Variants in LONRF1 observed in about 807,000 individuals in gnomAD.
LONRF1 encodes LON peptidase N-terminal domain and RING finger protein 1.
A neutral mutation model predicts 85.8 loss-of-function variants in LONRF1; 37 were observed. The observed-to-expected ratio is 0.43, with a 90% CI of 0.33 to 0.57. The LOEUF (loss-of-function observed/expected upper bound fraction) is 0.57. Among genes scored for constraint, LONRF1 ranks in the 20% least tolerant of loss-of-function variants. The pLI is 0.04. For synonymous variants in LONRF1, 517 were observed against 390.1 expected (o/e 1.33, Z -3.83); for missense variants, 1,036 against 978.0 (o/e 1.06, Z -0.79).
rs1377149935 is a variant in LONRF1, at chr8:12,728,003, T to A, written c.2010+898A>T. On this transcript the variant is annotated intron_variant, in intron 10 of 11. Coordinates refer to ENST00000398246, the MANE Select transcript of LONRF1 (RefSeq NM_152271.5). ...TAATTAACACCTCTGAATTGTACTT[T>A]CCTCATCTACTATTTCATAGAGTTG... 5.3e-5 allele frequency among the ~76,000 whole-genome samples: 8 copies of A among 152,226 alleles called. No individual in the cohort carries two copies. The East Asian group carries it at 1.5e-3, about 29-fold the overall frequency.
chr8:12,747,053 C>T (rs751199153), intron 1 of LONRF1, among the ~76,000 whole-genome samples: 1 of 152,150 alleles, frequency 6.6e-6, no homozygotes, highest in Admixed American at 6.5e-5. Context: ...GCCTTTTATC[C>T]TCAGATCCTG....
chr8:12,730,311 A>C (rs1320865439), intron 8 of LONRF1, among the ~76,000 whole-genome samples: 1 of 152,226 alleles, frequency 6.6e-6, no homozygotes, highest in Non-Finnish European at 1.5e-5. Context: ...CTATTTATAC[A>C]TACTACATTC....
At chr8:12,731,936 T>C (rs1381179450) in intron 7 of LONRF1, 79 bp from the exon 8 acceptor site, 3 of 1,313,910 alleles carry the variant, frequency 2.3e-6, no homozygotes, top group Admixed American at 2.1e-5. Flanking sequence ...ACTGATATAT[T>C]AAAGCCTTTA....
chr8:12,754,824 G>A lies in LONRF1; in HGVS notation c.597C>T (p.His199=), dbSNP rs749123323. ...SDFRTSVVLN[H]LAEKWFPGQR... is the part of the protein sequence containing the mutation. The stretch of plus-strand genomic sequence containing the variant: ...GGCCCGGAAACCACTTCTCGGCCAG[G>A]TGGTTGAGGACGACGCTGGTTCTGA... The change falls in exon 1 of 12, where the codon CAC becomes CAT. Residue 199 remains histidine (H), a synonymous_variant. Transcript: ENST00000398246. 44 of 1,494,016 alleles carry A rather than the reference G, an allele frequency of 2.9e-5. No individual in the cohort carries two copies. Among genetic ancestry groups the A allele is most frequent in the Non-Finnish European group, 3.8e-5 (43 of 1,127,726 alleles). The allele number at this position is 1,494,016 out of a possible 1,614,324, so 92.5% of individuals were successfully genotyped here.
chr8:12,741,017 T>TA, intron 2 of LONRF1, 21 bp from the exon 3 acceptor site: 1 of 1,609,612 alleles, frequency 6.2e-7, no homozygotes, highest in Non-Finnish European at 8.5e-7. Flanking sequence ...AGCAGATATA[T>TA]AAAACCTTTG....
At position 12,734,708 on chromosome 8, in the gene LONRF1, T is replaced by C. The variant is rs568644320; in HGVS notation, c.1566+578A>G. 2.7e-4 allele frequency among the ~76,000 whole-genome samples: 41 copies of C among 152,334 alleles called. 3 individuals carry two copies. The South Asian group carries it at 5.8e-3, about 22-fold the overall frequency. On this transcript the variant is annotated intron_variant, in intron 7 of 11. Coordinates refer to ENST00000398246, the MANE Select transcript of LONRF1 (RefSeq NM_152271.5). Reference sequence around the variant, plus strand: ...AATCTACCACTTTTCTAGAGCTGCATTGCCCAATGTCGCAGCCATTAGTCA... The same window carrying C: ...AATCTACCACTTTTCTAGAGCTGCACTGCCCAATGTCGCAGCCATTAGTCA...
At chr8:12,748,452 C>T (rs914596747) in intron 1 of LONRF1, among the ~76,000 whole-genome samples, 2 of 152,200 alleles carry the variant, frequency 1.3e-5, no homozygotes, top group African/African-American at 2.4e-5. Context: ...CCTCCTTGGC[C>T]TCCCAAAGTT....
intron 2 of LONRF1, among the ~76,000 whole-genome samples, chr8:12,742,087 T>A (rs1798955064): frequency 6.6e-6 from 1 of 152,228 alleles, no homozygotes; most frequent in Non-Finnish European, 1.5e-5. Flanking sequence ...CCTTTCTGAT[T>A]ACATCACTTC....
chr8:12,722,788 A>G lies in LONRF1; in HGVS notation c.*308T>C, dbSNP rs1213818159. On this transcript the variant is annotated 3_prime_UTR_variant, in exon 12 of 12. Coordinates refer to ENST00000398246, the MANE Select transcript of LONRF1 (RefSeq NM_152271.5). ...CCCCCACAAGCACACACGCACGCACACACACACACACACTCTCTCACAGAC... is the reference window on the plus strand; with the variant it reads ...CCCCCACAAGCACACACGCACGCACGCACACACACACACTCTCTCACAGAC... 4 of 193,222 alleles carry G rather than the reference A, an allele frequency of 2.1e-5. No individual in the cohort carries two copies. Among genetic ancestry groups the G allele is most frequent in the East Asian group, 1.3e-4 (1 of 7,724 alleles). 12.0% of individuals were successfully genotyped at this position (193,222 alleles called of 1,614,324 possible).
intron 10 of LONRF1, chr8:12,726,130 A>C (rs1798288628): frequency 2.9e-6 from 1 of 349,252 alleles, no homozygotes; most frequent in Non-Finnish European, 5.2e-6. Flanking sequence ...ATATTGCAGA[A>C]CCCTACAACA....
chr8:12,753,562 G>A (rs1303438506), intron 1 of LONRF1: 1 of 152,118 alleles, frequency 6.6e-6, no homozygotes, highest in African/African-American at 2.4e-5. Flanking sequence ...ACTAGATGTC[G>A]GTACCAGCAC....
At chr8:12,740,817 T>G (rs542534082) in intron 3 of LONRF1, 57 bp downstream of exon 3, 1 of 1,547,014 alleles carries the variant, frequency 6.5e-7, no homozygotes, top group Non-Finnish European at 8.7e-7. Context: ...CTTTTTTTTT[T>G]AAACCTGTCT....
chr8:12,730,182 CTA>C (rs1404083350), intron 8 of LONRF1, among the ~76,000 whole-genome samples: 4 of 152,148 alleles, frequency 2.6e-5, no homozygotes, highest in Non-Finnish European at 4.4e-5. Context: ...AAACGGAATA[CTA>C]TGTTTCCATT....
intron 1 of LONRF1, among the ~76,000 whole-genome samples, chr8:12,746,006 T>G (rs1220542985): frequency 6.6e-6 from 1 of 152,142 alleles, no homozygotes; most frequent in Non-Finnish European, 1.5e-5. Context: ...AACTCAGCAT[T>G]CTTCACCAAA....
chr8:12,735,835 TA>T (rs1798696799), intron 6 of LONRF1, among the ~76,000 whole-genome samples: 1 of 152,178 alleles, frequency 6.6e-6, no homozygotes, highest in South Asian at 2.1e-4. Flanking sequence ...AATATCAACT[TA>T]AAAATGATTC....
chr8:12,731,602 G>A (rs914800432), intron 8 of LONRF1, 134 bp downstream of exon 8: 38 of 690,116 alleles, frequency 5.5e-5, no homozygotes, highest in East Asian at 4.5e-4. Context: ...TCTGTCTGTT[G>A]AGGACCACGG....
chr8:12,741,133 C>A, intron 2 of LONRF1, 137 bp from the exon 3 acceptor site: 2 of 850,056 alleles, frequency 2.4e-6, no homozygotes, highest in South Asian at 1.7e-5. Flanking sequence ...CCTGTAATCC[C>A]AGCACTTTGG....
intron 10 of LONRF1, among the ~76,000 whole-genome samples, chr8:12,726,819 G>C (rs1033336770): frequency 1.3e-5 from 2 of 152,052 alleles, no homozygotes; most frequent in African/African-American, 4.8e-5. Flanking sequence ...TAAGACTACA[G>C]CACACCAGAG....
At chr8:12,745,680 C>G (rs6985289) in intron 1 of LONRF1, among the ~76,000 whole-genome samples, 110,627 of 152,094 alleles carry the variant, frequency 0.73, 42,803 homozygotes, top group East Asian at 0.94. Flanking sequence ...TATTGCCCAG[C>G]AAGTGCCTGG....
Sources: allele counts gnomAD v4.1 joint callset (sites outside exome capture counted in the v4.1 genomes callset), GRCh38; gene constraint gnomAD v4.1.1; transcripts MANE v1.5; gene names NCBI Gene and HGNC (gene_info 2026-07-23, HGNC 2026-07-21).